Variants in SH3BGR observed in about 807,000 individuals in gnomAD.
SH3BGR encodes the protein SH3 domain-binding glutamic acid-rich protein.
SH3BGR carries 29 observed loss-of-function variants against 24.5 expected under a neutral mutation model. The observed-to-expected ratio is 1.18, with a 90% CI of 0.88 to 1.61. The LOEUF is 1.61. SH3BGR is among the 40% of genes most tolerant of loss of function. SH3BGR has a pLI of 0.00. For synonymous variants in SH3BGR, 55 were observed against 65.7 expected (o/e 0.84, Z 0.79); for missense variants, 162 against 205.8 (o/e 0.79, Z 1.30).
At position 39,446,966 on chromosome 21, in the gene SH3BGR, G is replaced by A. The variant is rs146003091; in HGVS notation, c.-100+885G>A. On this transcript the variant is annotated intron_variant, in intron 1 of 6. Coordinates refer to the SH3BGR transcript ENST00000380631. Reference sequence around the variant, plus strand: ...TCAAATTGACTTTAATCCTACTTTGGTAGAAGTGGGTTAGGACAAGCTTTC... The same window carrying A: ...TCAAATTGACTTTAATCCTACTTTGATAGAAGTGGGTTAGGACAAGCTTTC... 5 of 152,090 alleles carry A rather than the reference G, an allele frequency of 3.3e-5. No homozygotes were observed. In the East Asian group the frequency reaches 9.7e-4, roughly 29 times the overall value. 9.4% of individuals were successfully genotyped at this position (152,090 alleles called of 1,614,324 possible).
At chr21:39,460,625 A>G (rs1746515893) in intron 1 of SH3BGR, among the ~76,000 whole-genome samples, 1 of 151,850 alleles carries the variant, frequency 6.6e-6, no homozygotes, top group African/African-American at 2.4e-5. Flanking sequence ...GCATGCCACC[A>G]CGCCCGGGTA....
chr21:39,497,255 A>G (rs1401409942), intron 3 of SH3BGR, among the ~76,000 whole-genome samples: 1 of 151,154 alleles, frequency 6.6e-6, no homozygotes, highest in Non-Finnish European at 1.5e-5. Context: ...GTAAATGACA[A>G]ATATATAATC....
intron 3 of SH3BGR, among the ~76,000 whole-genome samples, chr21:39,479,483 A>T (rs1043120373): frequency 9.3e-5 from 14 of 150,414 alleles, no homozygotes; most frequent in African/African-American, 2.5e-4. Flanking sequence ...GGTGGTGGTG[A>T]TGGTAGTGGA....
chr21:39,452,025 T>C lies in SH3BGR; in HGVS notation c.-72T>C. The C allele has an allele frequency of 1.2e-6, 2 of 1,614,200 alleles. No homozygotes were observed. The highest frequency in any genetic ancestry group is 1.1e-5 in the South Asian group (1 of 91,086). The stretch of plus-strand genomic sequence containing the variant: ...CCTGGCACTTGCTTGCCTGTGTCAC[T>C]GTCAGGATTTGTCTAGCGGCGCATT... On this transcript the variant is annotated 5_prime_UTR_variant, in exon 1 of 7. Coordinates refer to ENST00000333634, the MANE Select transcript of SH3BGR (RefSeq NM_007341.3).
At chr21:39,483,743 G>T (rs2078166906) in intron 3 of SH3BGR, among the ~76,000 whole-genome samples, 1 of 152,186 alleles carries the variant, frequency 6.6e-6, no homozygotes, top group Admixed American at 6.5e-5. Flanking sequence ...CTGGTTGATT[G>T]AAGGGACTTT....
At chr21:39,463,489 T>C (rs1211504907) in intron 2 of SH3BGR, among the ~76,000 whole-genome samples, 2 of 152,178 alleles carry the variant, frequency 1.3e-5, no homozygotes, top group Non-Finnish European at 2.9e-5. Context: ...GATGAGGAAA[T>C]GAGAGCTGTG....
chr21:39,470,997 C>T (rs2123364148), intron 2 of SH3BGR, among the ~76,000 whole-genome samples: 1 of 152,164 alleles, frequency 6.6e-6, no homozygotes, highest in East Asian at 1.9e-4. Context: ...TTTACTTTCA[C>T]CTGGCCTCTA....
rs998186069 is a variant in SH3BGR at position 39,511,248 on chromosome 21, G to GT, written c.436-431dup. Reference sequence around the variant, plus strand: ...TGGTGTGTATGTTATGGTGTGGAGGGTATGTATGTGTATGTGTGATGTGTA... The same window carrying GT: ...TGGTGTGTATGTTATGGTGTGGAGGGTTATGTATGTGTATGTGTGATGTGTA... On this transcript the variant is annotated intron_variant, in intron 5 of 6. Transcript: ENST00000333634. This position sits in a 1 kb window ranked among gnomAD's most constrained non-coding sequence, Gnocchi z 4.2. Among the ~76,000 whole-genome samples the GT allele has an allele frequency of 4.6e-4, 68 of 149,436 alleles. No individual in the cohort carries two copies. The highest frequency in any genetic ancestry group is 1.6e-3 in the African/African-American group (66 of 40,244).
At chr21:39,457,916 C>A (rs1050159879) in intron 1 of SH3BGR, among the ~76,000 whole-genome samples, 5 of 151,938 alleles carry the variant, frequency 3.3e-5, no homozygotes, top group Non-Finnish European at 5.9e-5. Flanking sequence ...CAGAGGGAGA[C>A]CCTGTGTCAA....
intron 3 of SH3BGR, chr21:39,488,461 C>A: frequency 3.9e-6 from 1 of 254,104 alleles, no homozygotes. Flanking sequence ...CCACCAATGC[C>A]GAGGTGCTCC....
intron 3 of SH3BGR, among the ~76,000 whole-genome samples, chr21:39,478,321 C>T (rs1018376386): frequency 1.3e-5 from 2 of 152,172 alleles, no homozygotes; most frequent in Non-Finnish European, 2.9e-5. Context: ...CGTTGCTGCA[C>T]CTCAGAACCG....
At chr21:39,455,022 G>A (rs539813150) in intron 1 of SH3BGR, among the ~76,000 whole-genome samples, 36 of 152,350 alleles carry the variant, frequency 2.4e-4, no homozygotes, top group African/African-American at 8.2e-4. Context: ...AGCCTTCCAA[G>A]CTAGGATGGA....
chr21:39,507,621 C>A (rs2078605887), intron 4 of SH3BGR, among the ~76,000 whole-genome samples: 1 of 151,912 alleles, frequency 6.6e-6, no homozygotes, highest in African/African-American at 2.4e-5. Flanking sequence ...GCATGAGCCA[C>A]TGTGCCTGGC....
At chr21:39,460,503 A>G (rs943377736) in intron 1 of SH3BGR, among the ~76,000 whole-genome samples, 1 of 151,896 alleles carries the variant, frequency 6.6e-6, no homozygotes, top group African/African-American at 2.4e-5. Context: ...TTTTTTTGAG[A>G]CAGAGTCTCA....
intron 3 of SH3BGR, among the ~76,000 whole-genome samples, chr21:39,495,633 C>T (rs8126729): frequency 0.52 from 78,834 of 151,744 alleles, 20,955 homozygotes; most frequent in East Asian, 0.67. Context: ...GCATACATCA[C>T]CATGCCTTGC....
intron 3 of SH3BGR, among the ~76,000 whole-genome samples, chr21:39,485,293 A>AT (rs1209198544): frequency 1.3e-5 from 2 of 152,228 alleles, no homozygotes; most frequent in Non-Finnish European, 2.9e-5. Context: ...ATTGCCAAAA[A>AT]ATATATATGT....
intron 3 of SH3BGR, chr21:39,488,554 TG>T: frequency 2.9e-6 from 1 of 347,912 alleles, no homozygotes; most frequent in Non-Finnish European, 4.8e-6. Flanking sequence ...CTGCAGACTG[TG>T]GCCAGGAACA....
chr21:39,502,687 G>A (rs2078515994), intron 4 of SH3BGR, among the ~76,000 whole-genome samples: 1 of 152,220 alleles, frequency 6.6e-6, no homozygotes, highest in Non-Finnish European at 1.5e-5. Flanking sequence ...GCCATCCTGG[G>A]GTCGTTAGTG....
rs758804363 is a variant in SH3BGR at position 39,490,842 on chromosome 21, C to T, written c.313-8981C>T. On this transcript the variant is annotated intron_variant, in intron 3 of 6. Transcript: ENST00000333634. ...TTCCCTCCCAGGCTAAAATGATGCC[C>T]CTGCCTCAGCCACCTGAGTAGCTGG... is the stretch of plus-strand genomic sequence containing the variant. Among the ~76,000 whole-genome samples the T allele has an allele frequency of 1.6e-4, 24 of 152,108 alleles. 1 individual carries two copies. In the Middle Eastern group the frequency reaches 0.01, roughly 65 times the overall value.
Sources: allele counts gnomAD v4.1 joint callset (sites outside exome capture counted in the v4.1 genomes callset), GRCh38; gene constraint gnomAD v4.1.1; non-coding constraint Gnocchi (gnomAD v3.1); transcripts MANE v1.5; gene names NCBI Gene and HGNC (gene_info 2026-07-23, HGNC 2026-07-21).